The following KCNH8 variants were observed in gnomAD, a reference collection of about 807,000 sequenced individuals.
KCNH8 encodes the protein potassium voltage-gated channel subfamily H member 8.
KCNH8 carries 70 observed loss-of-function variants against 103.6 expected under a neutral mutation model. The ratio of observed to expected loss-of-function variants is 0.68; its 90% CI spans 0.56 to 0.82. KCNH8 has a LOEUF of 0.82. Ranked by LOEUF, KCNH8 falls within the 40% of genes least tolerant of loss-of-function variation. The probability of loss-of-function intolerance (pLI) is 0.00; values close to 1 mark genes in which losing one functional copy is unlikely to be tolerated. For missense variants in KCNH8, 1,217 were observed against 1,329.9 expected, an observed-to-expected ratio of 0.92 and a Z score of 1.32; for synonymous variants, 498 against 489.4, an observed-to-expected ratio of 1.02 and a Z score of -0.23.
chr3:19,356,112 A>T (rs1261829568), intron 5 of KCNH8, among the ~76,000 whole-genome samples: 1 of 151,960 alleles, frequency 6.6e-6, no homozygotes, highest in Non-Finnish European at 1.5e-5. Context: ...TAAACTCCAT[A>T]CAAAAGTATA....
chr3:19,346,871 C>T (rs1280352159), intron 4 of KCNH8: 1 of 340,976 alleles, frequency 2.9e-6, no homozygotes, highest in East Asian at 7.7e-5. Context: ...ACAGGCTTGT[C>T]AAATTTCCAC....
At chr3:19,324,249 A>C (rs547730452) in intron 3 of KCNH8, among the ~76,000 whole-genome samples, 142 of 152,240 alleles carry the variant, frequency 9.3e-4, no homozygotes, top group African/African-American at 3.2e-3. Context: ...TTTATAAAGG[A>C]AAGAGACTTA....
At chr3:19,296,036 C>G (rs1485223250) in intron 3 of KCNH8, among the ~76,000 whole-genome samples, 2 of 152,098 alleles carry the variant, frequency 1.3e-5, no homozygotes, top group East Asian at 3.9e-4. Flanking sequence ...TCCTGCTTAT[C>G]TCCCCAGTGA....
intron 11 of KCNH8, among the ~76,000 whole-genome samples, chr3:19,479,561 A>G (rs1019837521): frequency 2.0e-5 from 3 of 152,130 alleles, no homozygotes; most frequent in Non-Finnish European, 2.9e-5. Context: ...TTCAAAGCCT[A>G]TCCTTTCTCC....
intron 1 of KCNH8, among the ~76,000 whole-genome samples, chr3:19,238,879 T>C (rs1334779700): frequency 1.3e-5 from 2 of 152,184 alleles, no homozygotes; most frequent in African/African-American, 4.8e-5. Flanking sequence ...GTTTTTTAAT[T>C]CCAGAGGATG....
intron 3 of KCNH8, among the ~76,000 whole-genome samples, chr3:19,318,666 C>CGTGTGTGTGT (rs1559474389): frequency 1.0e-4 from 7 of 68,358 alleles, no homozygotes; most frequent in South Asian, 8.5e-4. Flanking sequence ...TGTGTGTACA[C>CGTGTGTGTGT]ACACACACAC....
chr3:19,404,182 T>G (rs1442274170), intron 7 of KCNH8, among the ~76,000 whole-genome samples: 1 of 151,776 alleles, frequency 6.6e-6, no homozygotes, highest in Non-Finnish European at 1.5e-5. Flanking sequence ...ATTTCCTGTC[T>G]CAGTAAATGG....
At chr3:19,499,564 GTAACAGCAGAC>G (rs1559358913) in intron 11 of KCNH8, among the ~76,000 whole-genome samples, 1 of 152,040 alleles carries the variant, frequency 6.6e-6, no homozygotes, top group African/African-American at 2.4e-5. Context: ...CCCTCAAAGG[GTAACAGCAGAC>G]TAACAGCAGA....
At chr3:19,269,719 A>G (rs1217920924) in intron 2 of KCNH8, among the ~76,000 whole-genome samples, 3 of 152,084 alleles carry the variant, frequency 2.0e-5, no homozygotes, top group Admixed American at 6.6e-5. Context: ...GAAAGCTCCT[A>G]CTCAGTGCCA....
chr3:19,431,413 G>T (rs554126360), intron 7 of KCNH8, among the ~76,000 whole-genome samples: 3 of 152,026 alleles, frequency 2.0e-5, no homozygotes, highest in East Asian at 1.9e-4. Context: ...TTTTTGCATC[G>T]ATGTTCATCA....
chr3:19,529,753 T>C (rs2069128247), intron 15 of KCNH8, among the ~76,000 whole-genome samples: 1 of 152,116 alleles, frequency 6.6e-6, no homozygotes. Context: ...TTTGCCATGG[T>C]AAAAAGAGAG....
At chr3:19,528,386 A>G (rs1276839984) in intron 15 of KCNH8, among the ~76,000 whole-genome samples, 2 of 152,034 alleles carry the variant, frequency 1.3e-5, no homozygotes, top group African/African-American at 2.4e-5. Context: ...CTACCCATGG[A>G]AATCAAGTTT....
intron 11 of KCNH8, among the ~76,000 whole-genome samples, chr3:19,479,862 A>G (rs2068053399): frequency 6.6e-6 from 1 of 152,176 alleles, no homozygotes; most frequent in South Asian, 2.1e-4. Flanking sequence ...TAAAATATGG[A>G]ATGATCTCTT....
chr3:19,447,761 G>A lies in KCNH8; in HGVS notation c.1376-2345G>A, dbSNP rs899859419. On this transcript the variant is annotated intron_variant, in intron 8 of 15. Coordinates refer to ENST00000328405, the MANE Select transcript of KCNH8 (RefSeq NM_144633.3). ...AAGACTTAAGCATCAGAACTGCTGT[G>A]CTTCTAAAACAATACAGAAGAATGA... Among the ~76,000 whole-genome samples, 13 of 151,912 alleles carry A rather than the reference G, an allele frequency of 8.6e-5. 1 individual carries two copies. Among genetic ancestry groups the A allele is most frequent in the Admixed American group, 8.5e-4 (13 of 15,226 alleles).
chr3:19,471,651 A>T (rs1039202731), intron 11 of KCNH8, among the ~76,000 whole-genome samples: 2 of 152,188 alleles, frequency 1.3e-5, no homozygotes, highest in Middle Eastern at 3.2e-3. Context: ...AGATAAGGAG[A>T]CTAATTAAGG....
Position 19,438,352 on chromosome 3 carries a change from C to G in KCNH8, c.1366C>G (p.Leu456Val), listed in dbSNP as rs1351875325. Reference protein sequence around the residue: ...AEKIFSICTMLIGALMHALVF... With the variant: ...AEKIFSICTMVIGALMHALVF... The stretch of plus-strand genomic sequence containing the variant: ...AAAGATCTTCTCCATCTGCACCATG[C>G]TGATTGGTGGTAAGAGAGCATCTTC... Residue 456 changes from leucine to valine, a missense_variant, in exon 8 of 16, where the codon CTG becomes GTG. Leu to Val is a conservative substitution (Grantham distance 32). This residue lies in a region of KCNH8 where 415 missense variants were observed against 577.4 expected (regional missense o/e 0.72). Coordinates refer to ENST00000328405, the MANE Select transcript of KCNH8 (RefSeq NM_144633.3). 1.2e-6 allele frequency: 2 copies of G among 1,613,216 alleles called. No individual in the cohort carries two copies. Among genetic ancestry groups the G allele is most frequent in the Non-Finnish European group, 1.7e-6 (2 of 1,179,654 alleles).
intron 1 of KCNH8, among the ~76,000 whole-genome samples, chr3:19,176,469 T>C (rs1403088791): frequency 4.6e-5 from 7 of 152,026 alleles, no homozygotes; most frequent in Non-Finnish European, 1.0e-4. Flanking sequence ...GAGATTGTGG[T>C]TAGTAGTGCA....
intron 5 of KCNH8, among the ~76,000 whole-genome samples, chr3:19,376,980 C>T (rs1055222245): frequency 1.3e-5 from 2 of 152,260 alleles, no homozygotes; most frequent in African/African-American, 2.4e-5. Flanking sequence ...AATGAGATGG[C>T]ACAACCATAA....
intron 1 of KCNH8, among the ~76,000 whole-genome samples, chr3:19,168,667 G>A (rs907017681): frequency 5.3e-5 from 8 of 152,088 alleles, no homozygotes; most frequent in Admixed American, 3.3e-4. Context: ...TTAGAATGAG[G>A]GCATGTGCCA....
Sources: allele counts gnomAD v4.1 joint callset (sites outside exome capture counted in the v4.1 genomes callset), GRCh38; gene constraint gnomAD v4.1.1; regional missense constraint gnomAD v4.1.1; transcripts MANE v1.5; gene names NCBI Gene and HGNC (gene_info 2026-07-23, HGNC 2026-07-21).